The following CDK6 variants were observed in gnomAD, a reference collection of about 807,000 sequenced individuals.
The protein encoded by CDK6 is cyclin-dependent kinase 6.
In CDK6, 6 loss-of-function variants were observed where a neutral mutation model predicts 37.1. The ratio of observed to expected loss-of-function variants is 0.16; its 90% CI spans 0.09 to 0.32. The LOEUF (loss-of-function observed/expected upper bound fraction) is 0.32, where lower values mean the gene tolerates loss of function less well. Ranked by LOEUF, CDK6 falls within the 10% of genes least tolerant of loss-of-function variation. The pLI is 1.00. For synonymous variants in CDK6, 160 were observed against 161.3 expected, an observed-to-expected ratio of 0.99 and a Z score of 0.06; for missense variants, 224 against 418.9, an observed-to-expected ratio of 0.53 and a Z score of 4.06.
At chr7:92,714,452 G>A (rs1198863496) in intron 4 of CDK6, among the ~76,000 whole-genome samples, 10 of 152,260 alleles carry the variant, frequency 6.6e-5, no homozygotes, top group East Asian at 3.9e-4. Flanking sequence ...GCTGCATTCC[G>A]GAGCTCAGAG....
chr7:92,608,894 G>C lies in CDK6; in HGVS notation c.*6246C>G. The C allele has an allele frequency of 4.3e-6, 1 of 232,546 alleles. No homozygotes were observed. Among genetic ancestry groups the C allele is most frequent in the Non-Finnish European group, 8.5e-6 (1 of 117,568 alleles). 14.4% of individuals were successfully genotyped at this position (232,546 alleles called of 1,614,324 possible). A position where few individuals can be genotyped will look rare whatever the true frequency, so the allele number is the denominator to read the frequency against. On this transcript the variant is annotated 3_prime_UTR_variant, in exon 8 of 8. Coordinates refer to ENST00000424848, the MANE Select transcript of CDK6 (RefSeq NM_001145306.2). The stretch of plus-strand genomic sequence containing the variant: ...CAAAGGGGCGGGGCAACGAGGCAGC[G>C]CGCCCGGAAGGCTTTCAAGTGGGAA...
chr7:92,746,484 T>C (rs1395545358), intron 3 of CDK6, among the ~76,000 whole-genome samples: 1 of 152,184 alleles, frequency 6.6e-6, no homozygotes, highest in Non-Finnish European at 1.5e-5. Flanking sequence ...TGCACAGAAG[T>C]ATAAATATTG....
chr7:92,814,074 T>A (rs1051074358), intron 2 of CDK6, among the ~76,000 whole-genome samples: 4 of 152,218 alleles, frequency 2.6e-5, no homozygotes, highest in African/African-American at 9.6e-5. Context: ...TGGGCTTATT[T>A]TTTCAGTTTG....
At chr7:92,667,031 C>A (rs1796972927) in intron 5 of CDK6, among the ~76,000 whole-genome samples, 1 of 151,884 alleles carries the variant, frequency 6.6e-6, no homozygotes, top group African/African-American at 2.4e-5. Flanking sequence ...AGTGGACAGG[C>A]AAGACAGTGA....
At chr7:92,757,026 A>C (rs1799334969) in intron 3 of CDK6, among the ~76,000 whole-genome samples, 1 of 152,214 alleles carries the variant, frequency 6.6e-6, no homozygotes, top group South Asian at 2.1e-4. Flanking sequence ...TGGAAATGCT[A>C]ATCTCTTAAA....
intron 3 of CDK6, among the ~76,000 whole-genome samples, chr7:92,743,672 T>C (rs1476396127): frequency 6.6e-6 from 1 of 152,136 alleles, no homozygotes; most frequent in African/African-American, 2.4e-5. Context: ...ATTACAATGG[T>C]TTAAACTGAC....
intron 4 of CDK6, among the ~76,000 whole-genome samples, chr7:92,672,325 C>T (rs539889917): frequency 2.7e-5 from 4 of 149,628 alleles, no homozygotes; most frequent in Middle Eastern, 3.5e-3. Flanking sequence ...CTGCTCTTAC[C>T]GTGACAGCTT....
intron 2 of CDK6, among the ~76,000 whole-genome samples, chr7:92,782,877 A>T (rs1381327374): frequency 1.3e-5 from 2 of 152,256 alleles, no homozygotes; most frequent in Non-Finnish European, 2.9e-5. Context: ...TCTGGCCTCA[A>T]ATACGTCTTA....
Position 92,834,853 on chromosome 7 carries a change from C to A in CDK6, c.-367-1163G>T, listed in dbSNP as rs1173930969. On this transcript the variant is annotated intron_variant, in intron 1 of 7. Transcript: ENST00000424848. This position sits in a 1 kb window ranked among gnomAD's most constrained non-coding sequence, Gnocchi z 4.6. Reference sequence around the variant, plus strand: ...GCCCGGTCCAGTCTGCAGCCGGACGCCCCCGGAGCCCTCTGCACAACAAAG... The same window carrying A: ...GCCCGGTCCAGTCTGCAGCCGGACGACCCCGGAGCCCTCTGCACAACAAAG... Among the ~76,000 whole-genome samples the A allele has an allele frequency of 6.6e-6, 1 of 152,142 alleles. No individual in the cohort carries two copies. The highest frequency in any genetic ancestry group is 1.5e-5 in the Non-Finnish European group (1 of 68,014).
chr7:92,826,899 A>G (rs1354644687), intron 2 of CDK6, among the ~76,000 whole-genome samples: 1 of 152,184 alleles, frequency 6.6e-6, no homozygotes, highest in Non-Finnish European at 1.5e-5. Flanking sequence ...ACACCATGTT[A>G]TTTATGGATA....
At chr7:92,676,969 A>AAAG (rs1562932629) in intron 4 of CDK6, among the ~76,000 whole-genome samples, 3 of 151,808 alleles carry the variant, frequency 2.0e-5, no homozygotes, top group Non-Finnish European at 4.4e-5. Flanking sequence ...AAAAAAAAAA[A>AAAG]AAAGAAAGAA....
intron 2 of CDK6, among the ~76,000 whole-genome samples, chr7:92,782,269 T>G (rs778120644): frequency 6.6e-6 from 1 of 152,200 alleles, no homozygotes; most frequent in Non-Finnish European, 1.5e-5. Context: ...ATGTACAACT[T>G]TATATATCAC....
chr7:92,815,397 T>C (rs1801001806), intron 2 of CDK6, among the ~76,000 whole-genome samples: 1 of 152,072 alleles, frequency 6.6e-6, no homozygotes, highest in South Asian at 2.1e-4. Flanking sequence ...AGCTAACCAG[T>C]CTTTATAAAA....
Position 92,624,653 on chromosome 7 carries a change from G to A in CDK6, c.648-1567C>T, listed in dbSNP as rs568971074. 9.9e-4 allele frequency among the ~76,000 whole-genome samples: 150 copies of A among 152,204 alleles called. 1 individual carries two copies. The Middle Eastern group carries it at 0.01, about 10-fold the overall frequency. On this transcript the variant is annotated intron_variant, in intron 5 of 7. Transcript: ENST00000424848. ...AATTCATAAAGAATCACGAAGTTGCGCTCTGAAAGACATCTTGACAGGTCT... is the reference window on the plus strand; with the variant it reads ...AATTCATAAAGAATCACGAAGTTGCACTCTGAAAGACATCTTGACAGGTCT...
intron 3 of CDK6, among the ~76,000 whole-genome samples, chr7:92,772,951 TA>T (rs953789117): frequency 6.6e-6 from 1 of 151,900 alleles, no homozygotes; most frequent in Non-Finnish European, 1.5e-5. Context: ...TCTGTTTTTT[TA>T]AAAAAAAGAT....
intron 4 of CDK6, among the ~76,000 whole-genome samples, chr7:92,712,216 G>A (rs1038581901): frequency 3.3e-5 from 5 of 151,122 alleles, no homozygotes; most frequent in African/African-American, 1.2e-4. Flanking sequence ...ATATACAAAT[G>A]CTACAAAGGG....
At chr7:92,768,741 C>T (rs1445827382) in intron 3 of CDK6, among the ~76,000 whole-genome samples, 1 of 152,128 alleles carries the variant, frequency 6.6e-6, no homozygotes. Context: ...GTATGAGTGT[C>T]GGTGGCAGAT....
At chr7:92,819,646 C>T (rs1253475878) in intron 2 of CDK6, among the ~76,000 whole-genome samples, 1 of 151,884 alleles carries the variant, frequency 6.6e-6, no homozygotes, top group African/African-American at 2.4e-5. Context: ...AAACTAAACA[C>T]TGACAGAAAC....
chr7:92,774,344 A>C (rs1294717283), intron 3 of CDK6, among the ~76,000 whole-genome samples: 2 of 152,230 alleles, frequency 1.3e-5, no homozygotes, highest in Non-Finnish European at 2.9e-5. Context: ...ATAGACAATA[A>C]ACCATCAGAA....
Sources: allele counts gnomAD v4.1 joint callset (sites outside exome capture counted in the v4.1 genomes callset), GRCh38; gene constraint gnomAD v4.1.1; non-coding constraint Gnocchi (gnomAD v3.1); transcripts MANE v1.5; gene names NCBI Gene and HGNC (gene_info 2026-07-23, HGNC 2026-07-21).